Variants in MBD5 observed in about 807,000 individuals in gnomAD.
MBD5 encodes the protein methyl-CpG binding domain protein 5.
Under a neutral mutation model 117.3 loss-of-function variants are expected in MBD5, and 13 were observed. That is an observed-to-expected ratio of 0.11 (90% CI 0.07 to 0.18). MBD5 has a LOEUF of 0.18. MBD5 is among the 10% of genes least tolerant of loss of function. MBD5 has a pLI of 1.00. For synonymous variants in MBD5, 727 were observed against 766.4 expected (o/e 0.95, Z 0.85); for missense variants, 1,879 against 2,093.8 (o/e 0.90, Z 2.00).
intron 4 of MBD5, among the ~76,000 whole-genome samples, chr2:148,381,813 G>A (rs1429919984): frequency 6.6e-6 from 1 of 152,128 alleles, no homozygotes; most frequent in East Asian, 1.9e-4. Context: ...TCAACATTCT[G>A]AAGGAAAAGA....
At chr2:148,397,173 A>C (rs1359014871) in intron 4 of MBD5, among the ~76,000 whole-genome samples, 2 of 152,172 alleles carry the variant, frequency 1.3e-5, no homozygotes, top group African/African-American at 2.4e-5. Context: ...AGTGTGAGAT[A>C]GAAAAGGACT....
chr2:148,126,065 G>GT (rs1696881593), intron 1 of MBD5, among the ~76,000 whole-genome samples: 1 of 152,052 alleles, frequency 6.6e-6, no homozygotes, highest in South Asian at 2.1e-4. Flanking sequence ...CAAGAGATCT[G>GT]TTTACTAGCC....
intron 1 of MBD5, among the ~76,000 whole-genome samples, chr2:148,175,965 A>G (rs1017491909): frequency 6.6e-6 from 1 of 152,216 alleles, no homozygotes; most frequent in Non-Finnish European, 1.5e-5. Flanking sequence ...CTACTTAACA[A>G]TGCCTGTTAT....
chr2:148,197,801 T>TTTG (rs1553483822), intron 2 of MBD5, among the ~76,000 whole-genome samples: 8 of 132,960 alleles, frequency 6.0e-5, no homozygotes, highest in Non-Finnish European at 1.3e-4. Context: ...GAGGTTTTTT[T>TTTG]TTTTGTTTTT....
At chr2:148,390,972 A>G (rs1037397421) in intron 4 of MBD5, among the ~76,000 whole-genome samples, 1 of 152,210 alleles carries the variant, frequency 6.6e-6, no homozygotes, top group African/African-American at 2.4e-5. Flanking sequence ...ATTTCTTTCC[A>G]TATTTCTCTA....
intron 3 of MBD5, among the ~76,000 whole-genome samples, chr2:148,281,228 TATC>T (rs1266541023): frequency 6.6e-6 from 1 of 152,212 alleles, no homozygotes; most frequent in Admixed American, 6.5e-5. Context: ...TTAAGGCCTG[TATC>T]CTACATGACT....
At chr2:148,109,987 A>G (rs960804243) in intron 1 of MBD5, among the ~76,000 whole-genome samples, 1 of 152,018 alleles carries the variant, frequency 6.6e-6, no homozygotes, top group Non-Finnish European at 1.5e-5. Flanking sequence ...ATCATATTCT[A>G]TTTCTTAAAG....
chr2:148,505,074 A>T (rs769265997), intron 12 of MBD5, among the ~76,000 whole-genome samples: 6 of 152,124 alleles, frequency 3.9e-5, no homozygotes, highest in Admixed American at 6.5e-5. Flanking sequence ...GGAGTTGGGG[A>T]TGAGGATGGA....
intron 2 of MBD5, among the ~76,000 whole-genome samples, chr2:148,208,336 CT>C (rs1429332566): frequency 6.6e-6 from 1 of 152,152 alleles, no homozygotes; most frequent in Non-Finnish European, 1.5e-5. Context: ...ACTGCAACCC[CT>C]GCCTCCCAGG....
At chr2:148,412,392 G>T (rs944433177) in intron 4 of MBD5, among the ~76,000 whole-genome samples, 2 of 151,762 alleles carry the variant, frequency 1.3e-5, no homozygotes, top group Admixed American at 1.3e-4. Flanking sequence ...TGGATAATGT[G>T]ATGTTTCCAC....
intron 11 of MBD5, among the ~76,000 whole-genome samples, chr2:148,494,379 T>C (rs1222604426): frequency 6.6e-6 from 1 of 152,234 alleles, no homozygotes; most frequent in Non-Finnish European, 1.5e-5. Flanking sequence ...ACTCAGTTTG[T>C]TGAGTGAACT....
At chr2:148,188,847 G>A (rs952506343) in intron 2 of MBD5, among the ~76,000 whole-genome samples, 2 of 151,812 alleles carry the variant, frequency 1.3e-5, no homozygotes, top group African/African-American at 4.8e-5. Context: ...CTGAGGTACC[G>A]GGTTCATCTC....
chr2:148,428,561 A>T (rs1245897941), intron 4 of MBD5, among the ~76,000 whole-genome samples: 1 of 152,312 alleles, frequency 6.6e-6, no homozygotes, highest in Non-Finnish European at 1.5e-5. Flanking sequence ...AAAAGAACAA[A>T]GCTGGAGGCA....
At chr2:148,418,239 G>T (rs1242669803) in intron 4 of MBD5, among the ~76,000 whole-genome samples, 1 of 151,930 alleles carries the variant, frequency 6.6e-6, no homozygotes, top group African/African-American at 2.4e-5. Flanking sequence ...CTATTCTGTG[G>T]GTTGTCTGTT....
intron 1 of MBD5, among the ~76,000 whole-genome samples, chr2:148,135,821 A>C (rs1188330442): frequency 2.0e-5 from 3 of 152,178 alleles, no homozygotes; most frequent in African/African-American, 7.2e-5. Flanking sequence ...TCTGTTTGGA[A>C]GTCTTCCACA....
chr2:148,153,137 G>C (rs1052437860), intron 1 of MBD5, among the ~76,000 whole-genome samples: 1 of 150,970 alleles, frequency 6.6e-6, no homozygotes, highest in Non-Finnish European at 1.5e-5. Context: ...CAGGCCTGGT[G>C]GTGACAAAAT....
chr2:148,460,659 T>C (rs1199850060), intron 5 of MBD5, among the ~76,000 whole-genome samples: 2 of 152,146 alleles, frequency 1.3e-5, no homozygotes, highest in African/African-American at 4.8e-5. Flanking sequence ...ATGCTGTAAG[T>C]TTTTAAACTT....
chr2:148,427,568 T>C (rs1705839459), intron 4 of MBD5, among the ~76,000 whole-genome samples: 1 of 151,368 alleles, frequency 6.6e-6, no homozygotes, highest in African/African-American at 2.4e-5. Flanking sequence ...AAGTTCTCAC[T>C]CATAGGTGGG....
intron 4 of MBD5, among the ~76,000 whole-genome samples, chr2:148,362,227 G>A (rs1703560824): frequency 6.6e-6 from 1 of 152,202 alleles, no homozygotes; most frequent in African/African-American, 2.4e-5. Context: ...AGCAAGCTAA[G>A]ATCCACTGGC....
Sources: allele counts gnomAD v4.1 joint callset (sites outside exome capture counted in the v4.1 genomes callset), GRCh38; gene constraint gnomAD v4.1.1; transcripts MANE v1.5; gene names NCBI Gene and HGNC (gene_info 2026-07-23, HGNC 2026-07-21).